Variants in CTNNA1 observed in about 807,000 individuals in gnomAD.
CTNNA1 encodes catenin alpha 1, also known as catenin alpha-1.
A neutral mutation model predicts 98.4 loss-of-function variants in CTNNA1; 37 were observed. The observed-to-expected ratio is 0.38, with a 90% CI of 0.29 to 0.49. The LOEUF is 0.49. Ranked by LOEUF, CTNNA1 falls within the 20% of genes least tolerant of loss-of-function variation. CTNNA1 has a pLI of 0.95. For synonymous variants in CTNNA1, 404 were observed against 413.2 expected (o/e 0.98, Z 0.27); for missense variants, 761 against 1,147.2 (o/e 0.66, Z 4.86).
At chr5:138,888,453 C>T (rs192803679) in intron 9 of CTNNA1, among the ~76,000 whole-genome samples, 160 of 152,284 alleles carry the variant, frequency 1.1e-3, no homozygotes, top group Non-Finnish European at 8.2e-4. Flanking sequence ...ATATGGTAAG[C>T]TGGTCATTGT....
At chr5:138,927,102 C>T (rs117596931) in intron 13 of CTNNA1, among the ~76,000 whole-genome samples, 98 of 152,338 alleles carry the variant, frequency 6.4e-4, no homozygotes, top group East Asian at 5.6e-3. Context: ...ACCAGCACCT[C>T]TCACCCGGGT....
intron 7 of CTNNA1, among the ~76,000 whole-genome samples, chr5:138,860,411 A>G (rs553871253): frequency 6.6e-6 from 1 of 152,340 alleles, no homozygotes; most frequent in East Asian, 1.9e-4. Context: ...CTGCATCAAA[A>G]CTAAGAAAAT....
chr5:138,812,056 A>C (rs1581118560), intron 4 of CTNNA1, 127 bp from the exon 5 acceptor site: 2 of 749,738 alleles, frequency 2.7e-6, no homozygotes, highest in East Asian at 5.1e-5. Context: ...CCATGCGCAA[A>C]CTCGAGAGCT....
At chr5:138,904,302 G>A in intron 9 of CTNNA1, 47 bp from the exon 10 acceptor site, 1 of 1,573,010 alleles carries the variant, frequency 6.4e-7, no homozygotes, top group Non-Finnish European at 8.6e-7. Flanking sequence ...TTTTTCCTTA[G>A]CAGTCAAAAG....
intron 9 of CTNNA1, among the ~76,000 whole-genome samples, chr5:138,900,874 A>G (rs1050931615): frequency 6.6e-6 from 1 of 152,162 alleles, no homozygotes; most frequent in Non-Finnish European, 1.5e-5. Context: ...CCAAACTTCC[A>G]CACAGTAGGC....
At chr5:138,806,544 T>G (rs2149717678) in intron 3 of CTNNA1, among the ~76,000 whole-genome samples, 1 of 152,286 alleles carries the variant, frequency 6.6e-6, no homozygotes, top group South Asian at 2.1e-4. Context: ...CACTGTAGCT[T>G]TCTGATCCAT....
chr5:138,912,488 C>G (rs1004249878), intron 10 of CTNNA1, among the ~76,000 whole-genome samples: 1 of 152,188 alleles, frequency 6.6e-6, no homozygotes, highest in African/African-American at 2.4e-5. Context: ...GAACACTTTA[C>G]AAACTAGGAA....
intron 5 of CTNNA1, among the ~76,000 whole-genome samples, chr5:138,816,041 A>G (rs1337322176): frequency 6.6e-6 from 1 of 152,190 alleles, no homozygotes; most frequent in East Asian, 1.9e-4. Flanking sequence ...GTATATTTGT[A>G]TCTGATAACT....
At chr5:138,815,360 C>T (rs898875345) in intron 5 of CTNNA1, among the ~76,000 whole-genome samples, 1 of 152,118 alleles carries the variant, frequency 6.6e-6, no homozygotes, top group Non-Finnish European at 1.5e-5. Context: ...ACCCTATTCT[C>T]TGCCCCAGGA....
At chr5:138,812,340 T>C in intron 5 of CTNNA1, 38 bp downstream of exon 5, 1 of 1,593,554 alleles carries the variant, frequency 6.3e-7, no homozygotes, top group Non-Finnish European at 8.5e-7. Flanking sequence ...AAGTTGTTCA[T>C]TTTACTATCT....
chr5:138,870,800 T>C (rs1013052230), intron 7 of CTNNA1: 1 of 152,232 alleles, frequency 6.6e-6, no homozygotes, highest in Non-Finnish European at 1.5e-5. Context: ...TAGCTCGTGG[T>C]GCTCTTATTT....
intron 1 of CTNNA1, among the ~76,000 whole-genome samples, chr5:138,768,182 A>G (rs1753141126): frequency 6.6e-6 from 1 of 152,176 alleles, no homozygotes; most frequent in Non-Finnish European, 1.5e-5. Context: ...CCCACTTGGG[A>G]CAGTGGCATT....
intron 1 of CTNNA1, among the ~76,000 whole-genome samples, chr5:138,762,719 C>T (rs1255847116): frequency 6.6e-6 from 1 of 151,460 alleles, no homozygotes; most frequent in Admixed American, 6.6e-5. Context: ...TTCGGATGTT[C>T]TAAATACTTG....
intron 14 of CTNNA1, 61 bp from the exon 15 acceptor site, chr5:138,930,412 A>G (rs1023809232): frequency 1.6e-6 from 2 of 1,234,540 alleles, no homozygotes; most frequent in Non-Finnish European, 2.3e-6. Context: ...ATTCTTGGCT[A>G]ATGCACTCTG....
intron 7 of CTNNA1, among the ~76,000 whole-genome samples, chr5:138,859,528 T>C (rs288015): frequency 0.69 from 105,106 of 152,104 alleles, 36,470 homozygotes; most frequent in East Asian, 0.93. Context: ...TAACATGTCA[T>C]ATATTGAATC....
intron 7 of CTNNA1, among the ~76,000 whole-genome samples, chr5:138,883,648 T>G (rs962762826): frequency 6.6e-6 from 1 of 152,242 alleles, no homozygotes; most frequent in African/African-American, 2.4e-5. Context: ...TGGGCTTTCA[T>G]GAAGTCTACA....
At chr5:138,821,538 T>G (rs1193236668) in intron 5 of CTNNA1, among the ~76,000 whole-genome samples, 1 of 152,252 alleles carries the variant, frequency 6.6e-6, no homozygotes, top group African/African-American at 2.4e-5. Flanking sequence ...GGACCCTTTT[T>G]TTAAGTGTAG....
chr5:138,882,648 T>G (rs1753174931), intron 7 of CTNNA1, among the ~76,000 whole-genome samples: 2 of 152,360 alleles, frequency 1.3e-5, no homozygotes, highest in Middle Eastern at 3.4e-3. Flanking sequence ...GGAACATATT[T>G]CATCCCTTCC....
intron 5 of CTNNA1, among the ~76,000 whole-genome samples, chr5:138,818,917 A>C (rs546273481): frequency 6.6e-6 from 1 of 152,116 alleles, no homozygotes; most frequent in African/African-American, 2.4e-5. Context: ...GGATGTATTG[A>C]GTGCCTGGCT....
Sources: allele counts gnomAD v4.1 joint callset (sites outside exome capture counted in the v4.1 genomes callset), GRCh38; gene constraint gnomAD v4.1.1; transcripts MANE v1.5; gene names NCBI Gene and HGNC (gene_info 2026-07-23, HGNC 2026-07-21).